DKC1: variants seen among roughly 807,000 people sequenced by gnomAD.
The protein encoded by DKC1 is H/ACA ribonucleoprotein complex subunit DKC1.
DKC1 carries 4 observed loss-of-function variants against 46.7 expected under a neutral mutation model. That is an observed-to-expected ratio of 0.09 (90% CI 0.04 to 0.20). The LOEUF (loss-of-function observed/expected upper bound fraction) is 0.20. DKC1 is among the 10% of genes least tolerant of loss of function. The pLI, the probability that DKC1 is intolerant of heterozygous loss-of-function variation, is 1.00. For missense variants in DKC1, 171 were observed against 404.2 expected, an observed-to-expected ratio of 0.42 and a Z score of 4.95; for synonymous variants, 141 against 142.4, an observed-to-expected ratio of 0.99 and a Z score of 0.07.
At chrX:154,770,126 G>A (rs1463699955) in intron 9 of DKC1, among the ~76,000 whole-genome samples, 6 of 111,606 alleles carry the variant, frequency 5.4e-5, no homozygotes, top group Admixed American at 4.7e-4. Context: ...CTCCTCATAA[G>A]GAGGAGAGAG....
chrX:154,773,267 G>A lies in DKC1; in HGVS notation c.1155+18G>A. 1 of 878,668 alleles carries A rather than the reference G, an allele frequency of 1.1e-6. No homozygotes were observed. The highest frequency in any genetic ancestry group is 2.0e-5 in the African/African-American group (1 of 49,347). 72.4% of individuals were successfully genotyped at this position (878,668 alleles called of 1,213,427 possible). ...GTCCAAAGGTAAGTGGTACTGGGTT[G>A]CGTGCCCTGCCAGGTTCTTTTTTTT... On this transcript the variant is annotated intron_variant, in intron 11 of 14. Transcript: ENST00000369550.
At chrX:154,763,189 A>G (rs1337679587) in intron 1 of DKC1, among the ~76,000 whole-genome samples, 1 of 111,801 alleles carries the variant, frequency 8.9e-6, no homozygotes, top group Non-Finnish European at 1.9e-5. Flanking sequence ...GTGACTTGGC[A>G]TGATGGGGCT....
intron 5 of DKC1, 112 bp downstream of exon 5, chrX:154,766,512 A>C: frequency 2.6e-6 from 2 of 771,985 alleles, no homozygotes; most frequent in Non-Finnish European, 3.8e-6. Flanking sequence ...AAAAATCCTA[A>C]AGCAAGGATA....
chrX:154,766,529 T>G (rs1019339689), intron 5 of DKC1, 129 bp downstream of exon 5: 3 of 698,955 alleles, frequency 4.3e-6, no homozygotes, highest in Non-Finnish European at 6.4e-6. Context: ...GATATTGTTT[T>G]GGTTTCTGTG....
rs1447099987 is a variant in DKC1 at position 154,776,449 on chromosome X, C to T, written c.1476+125C>T. ...CTGTGGCCTGGGGGTGGGATGCCACCGAGTGCCTTTAGTGCTTCCCCATGT... is the reference window on the plus strand; with the variant it reads ...CTGTGGCCTGGGGGTGGGATGCCACTGAGTGCCTTTAGTGCTTCCCCATGT... On this transcript the variant is annotated intron_variant, in intron 14 of 14. Transcript: ENST00000369550. 1.1e-5 allele frequency: 11 copies of T among 983,532 alleles called. No individual in the cohort carries two copies. In the Admixed American group the frequency reaches 1.3e-4, roughly 12 times the overall value. The allele number at this position is 983,532 out of a possible 1,213,427, so 81.1% of individuals were successfully genotyped here. A position where few individuals can be genotyped will look rare whatever the true frequency, so the allele number is the denominator to read the frequency against.
chrX:154,770,251 T>G (rs2071804143), intron 9 of DKC1, among the ~76,000 whole-genome samples: 1 of 110,204 alleles, frequency 9.1e-6, no homozygotes. Flanking sequence ...GGCAAATTGC[T>G]TGAGCTCAGG....
At chrX:154,774,564 G>C (rs782340981) in intron 11 of DKC1, 38 bp from the exon 12 acceptor site, 2 of 1,134,370 alleles carry the variant, frequency 1.8e-6, no homozygotes, top group Admixed American at 2.2e-5. Flanking sequence ...TTCCAGCATT[G>C]ACACCATTCT....
At chrX:154,768,849 C>T (rs868942138) in intron 8 of DKC1, 60 of 268,634 alleles carry the variant, frequency 2.2e-4, no homozygotes, top group East Asian at 1.9e-3. Flanking sequence ...TAGCCGGGCG[C>T]GGTGGCGGGC....
rs936772152 is a variant in DKC1 at position 154,769,427 on chromosome X, A to G, written c.915+117A>G. 10 of 864,823 alleles carry G rather than the reference A, an allele frequency of 1.2e-5. No individual in the cohort carries two copies. The East Asian group carries it at 2.6e-4, about 22-fold the overall frequency. The allele number at this position is 864,823 out of a possible 1,213,427, so 71.3% of individuals were successfully genotyped here. ...TTTTTTTCAAGTCCAAACCAAGTATATTAATTTAAAGTAAAAGTTTAATGG... is the reference window on the plus strand; with the variant it reads ...TTTTTTTCAAGTCCAAACCAAGTATGTTAATTTAAAGTAAAAGTTTAATGG... On this transcript the variant is annotated intron_variant, in intron 9 of 14. Coordinates refer to ENST00000369550, the MANE Select transcript of DKC1 (RefSeq NM_001363.5).
chrX:154,770,988 TAATC>T (rs2071816795), intron 10 of DKC1, 109 bp downstream of exon 10: 1 of 783,513 alleles, frequency 1.3e-6, no homozygotes, highest in Admixed American at 2.3e-5. Context: ...CAATACATAA[TAATC>T]ACATCATGGA....
At position 154,767,485 on chromosome X, in the gene DKC1, C is replaced by G. The variant is rs2071760650; in HGVS notation, c.640+103C>G. The G allele has an allele frequency of 2.2e-5, 22 of 977,784 alleles. No homozygotes were observed. In the South Asian group the frequency reaches 4.3e-4, roughly 19 times the overall value. 80.6% of individuals were successfully genotyped at this position (977,784 alleles called of 1,213,427 possible). ...AAGTTGAAGACTTTCTAAAACCTGC[C>G]CTACAGCTGGGATATTGTCTGTGGG... On this transcript the variant is annotated intron_variant, in intron 7 of 14. Transcript: ENST00000369550.
At position 154,762,880 on chromosome X, in the gene DKC1, C is replaced by T. The variant is rs2071696780; in HGVS notation, c.-86C>T. 2.7e-6 allele frequency: 3 copies of T among 1,104,151 alleles called. No homozygotes were observed. The highest frequency in any genetic ancestry group is 2.5e-6 in the Non-Finnish European group (2 of 815,333). 91.0% of individuals were successfully genotyped at this position (1,104,151 alleles called of 1,213,427 possible). On this transcript the variant is annotated 5_prime_UTR_variant, in exon 1 of 15. Transcript: ENST00000369550. ...TGCGCGGGTGGGTGGGTCCTAGCAG[C>T]GCGGCCTGACGGGACCAAGGCGGCG...
Position 154,769,183 on chromosome X carries a change from T to C in DKC1, c.788T>C (p.Met263Thr). ...VMSEKDHMVT[M>T]HDVLDAQWLY... is the part of the protein sequence containing the mutation. ...GCTTTTCAGGACCACATGGTGACAA[T>C]GCATGATGTGCTTGATGCTCAGTGG... is the stretch of plus-strand genomic sequence containing the variant. Residue 263 changes from methionine to threonine, a missense_variant, in exon 9 of 15, where the codon ATG becomes ACG. Met to Thr is a moderately conservative substitution (Grantham distance 81). This residue lies in a region of DKC1 where 60 missense variants were observed against 206.5 expected (regional missense o/e 0.29). Transcript: ENST00000369550. 1 of 1,210,789 alleles carries C rather than the reference T, an allele frequency of 8.3e-7. No individual in the cohort carries two copies. The highest frequency in any genetic ancestry group is 1.1e-6 in the Non-Finnish European group (1 of 895,105).
Position 154,776,841 on chromosome X carries a change from A to G in DKC1, c.1519A>G (p.Lys507Glu), listed in dbSNP as rs781905423. Residue 507 changes from lysine to glutamate, a missense_variant, in exon 15 of 15, where the codon AAA becomes GAA. By Grantham distance (56) the Lys-to-Glu change is moderately conservative (BLOSUM62 1). This residue lies in a region of DKC1 where 54 missense variants were observed against 64.4 expected (regional missense o/e 0.84). Coordinates refer to ENST00000369550, the MANE Select transcript of DKC1 (RefSeq NM_001363.5). ...GAAGAAGAAGAAGAAGAAGAAAGCA[A>G]AAGAGGTAGAATTGGTTTCTGAGTA... The part of the protein sequence containing the change: ...TKKKKKKKKA[K>E]EVELVSE 8.3e-7 allele frequency: 1 copy of G among 1,206,498 alleles called. No individual in the cohort carries two copies. The highest frequency in any genetic ancestry group is 2.2e-5 in the Admixed American group (1 of 45,772).
intron 3 of DKC1, 115 bp downstream of exon 3, chrX:154,765,645 C>T: frequency 1.5e-6 from 1 of 670,512 alleles, no homozygotes. Context: ...GAAGTGCCCA[C>T]TGATACAGTT....
chrX:154,765,337 T>C, intron 2 of DKC1, 107 bp from the exon 3 acceptor site: 1 of 675,032 alleles, frequency 1.5e-6, no homozygotes, highest in Non-Finnish European at 2.5e-6. Flanking sequence ...TGAAAAGGCA[T>C]AGGAAGCCTT....
At chrX:154,770,186 G>A (rs1481425375) in intron 9 of DKC1, among the ~76,000 whole-genome samples, 2 of 111,329 alleles carry the variant, frequency 1.8e-5, no homozygotes, top group African/African-American at 6.6e-5. Context: ...ATGAAAATAT[G>A]GACCACGTGC....
At chrX:154,776,582 T>C (rs1240211342) in intron 14 of DKC1, among the ~76,000 whole-genome samples, 1 of 111,691 alleles carries the variant, frequency 9.0e-6, no homozygotes, top group East Asian at 2.8e-4. Flanking sequence ...ATGTGTAGGA[T>C]GGTGATCTGA....
intron 6 of DKC1, 82 bp from the exon 7 acceptor site, chrX:154,767,174 C>G (rs782422741): frequency 2.3e-3 from 2,772 of 1,190,682 alleles, no homozygotes; most frequent in Middle Eastern, 2.8e-3. Context: ...CCTTTTCAGT[C>G]GGCTGCTGCA....
Sources: gnomAD v4.1 joint callset for allele counts (sites outside exome capture counted in the v4.1 genomes callset) on GRCh38, gnomAD v4.1.1 for gene constraint, gnomAD v4.1.1 regional missense constraint, MANE v1.5 for transcripts, NCBI Gene and HGNC (gene_info 2026-07-23, HGNC 2026-07-21) for gene names.